The following SYNE3 variants were observed in gnomAD, a reference collection of about 807,000 sequenced individuals.
SYNE3 encodes the protein spectrin repeat containing nuclear envelope family member 3.
SYNE3 carries 100 observed loss-of-function variants against 111.2 expected under a neutral mutation model. That is an observed-to-expected ratio of 0.90 (90% CI 0.77 to 1.06). The LOEUF is 1.06. SYNE3 is among the 50% of genes least tolerant of loss of function. The pLI is 0.00. For synonymous variants in SYNE3, 547 were observed against 533.9 expected (o/e 1.02, Z -0.34); for missense variants, 1,160 against 1,240.3 (o/e 0.94, Z 0.97).
chr14:95,503,898 T>A, intron 1 of SYNE3, among the ~76,000 whole-genome samples: 1 of 152,074 alleles, frequency 6.6e-6, no homozygotes, highest in East Asian at 1.9e-4. Flanking sequence ...GGGTTCCAGG[T>A]GTGAGCCACT....
intron 7 of SYNE3, chr14:95,452,006 G>C (rs777848869): frequency 5.1e-5 from 19 of 370,266 alleles, no homozygotes; most frequent in Non-Finnish European, 7.7e-5. Context: ...TAGGATGGGT[G>C]GCTGAGCCAC....
At chr14:95,435,986 C>T (rs1005683295) in intron 15 of SYNE3, among the ~76,000 whole-genome samples, 7 of 151,922 alleles carry the variant, frequency 4.6e-5, no homozygotes, top group East Asian at 1.9e-4. Flanking sequence ...AATGGTAGTG[C>T]GAGGGAAGAG....
chr14:95,487,074 T>C (rs1889587383), intron 1 of SYNE3, among the ~76,000 whole-genome samples: 1 of 152,088 alleles, frequency 6.6e-6, no homozygotes, highest in Non-Finnish European at 1.5e-5. Flanking sequence ...TCCCCCACTC[T>C]GCCCCACCCG....
chr14:95,491,677 T>C (rs963982257), intron 1 of SYNE3, among the ~76,000 whole-genome samples: 3 of 152,010 alleles, frequency 2.0e-5, no homozygotes, highest in African/African-American at 7.3e-5. Flanking sequence ...CAATGGTTTC[T>C]TAGATGTGAT....
intron 17 of SYNE3, among the ~76,000 whole-genome samples, chr14:95,426,943 CAAA>C (rs574423106): frequency 2.9e-5 from 3 of 104,888 alleles, no homozygotes; most frequent in Admixed American, 9.7e-5. Context: ...GACTCCATCT[CAAA>C]AAAAAAAAAA....
chr14:95,440,807 C>CAG (rs1455310435), intron 11 of SYNE3, among the ~76,000 whole-genome samples: 4 of 152,224 alleles, frequency 2.6e-5, no homozygotes, highest in Non-Finnish European at 5.9e-5. Flanking sequence ...ACCGCAGGCA[C>CAG]AGAGGCTTTG....
intron 15 of SYNE3, among the ~76,000 whole-genome samples, chr14:95,434,926 T>C (rs1030351844): frequency 8.5e-5 from 13 of 152,214 alleles, no homozygotes; most frequent in Non-Finnish European, 1.3e-4. Context: ...AGTGCGGGGA[T>C]TACAGGCGTG....
Position 95,409,522 on chromosome 14 carries a change from G to A in SYNE3, c.*8304C>T, listed in dbSNP as rs765785145. On this transcript the variant is annotated 3_prime_UTR_variant, in exon 18 of 18. Coordinates refer to ENST00000682763, the MANE Select transcript of SYNE3 (RefSeq NM_152592.6). Reference sequence around the variant, plus strand: ...TCCCTCCTTATGATTGCTGTCTCTCGGCTGGACAAGGTGGTTGGGTTGGGG... The same window carrying A: ...TCCCTCCTTATGATTGCTGTCTCTCAGCTGGACAAGGTGGTTGGGTTGGGG... 2.3e-5 allele frequency: 9 copies of A among 397,252 alleles called. No individual in the cohort carries two copies. The highest frequency in any genetic ancestry group is 4.5e-5 in the Non-Finnish European group (9 of 201,762). 24.6% of individuals were successfully genotyped at this position (397,252 alleles called of 1,614,324 possible).
Position 95,437,000 on chromosome 14 carries a change from C to G in SYNE3, c.2377-19G>C. ...GATTTGCCTGTAGGATCACACACGG[C>G]CAAAGCGTCAGAGGTGAAAGAGCCC... is the stretch of plus-strand genomic sequence containing the variant. On this transcript the variant is annotated intron_variant, in intron 14 of 17. Transcript: ENST00000682763. 6.2e-7 allele frequency: 1 copy of G among 1,613,990 alleles called. No homozygotes were observed. Among genetic ancestry groups the G allele is most frequent in the Non-Finnish European group, 8.5e-7 (1 of 1,179,982 alleles).
At position 95,439,129 on chromosome 14, in the gene SYNE3, T is replaced by C; in HGVS notation, c.2280A>G (p.Glu760=). The change falls in exon 14 of 18, where the codon GAA becomes GAG. Residue 760 remains glutamate (E), a synonymous_variant. Transcript: ENST00000682763. ...LIRNWHLQRM[E]VDSGKKMVFT... ...AAACCATTTTCTTCCCCGAATCCAC[T>C]TCCATCCTCTGCAGATGCCAGTTTC... The C allele has an allele frequency of 6.2e-7, 1 of 1,614,268 alleles. No homozygotes were observed. Among genetic ancestry groups the C allele is most frequent in the Non-Finnish European group, 8.5e-7 (1 of 1,180,052 alleles).
rs1376135310 is a variant in SYNE3 at position 95,439,181 on chromosome 14, C to T, written c.2247-19G>A. On this transcript the variant is annotated intron_variant, in intron 13 of 17. Transcript: ENST00000682763. ...GATGAGGCTGAGAAGACAAACTCAG[C>T]CCAGTCAATGCAGAGATGTGGTGGG... 1.2e-6 allele frequency: 2 copies of T among 1,614,084 alleles called. No individual in the cohort carries two copies. Among genetic ancestry groups the T allele is most frequent in the East Asian group, 2.2e-5 (1 of 44,886 alleles).
rs754184454 is a variant in SYNE3 at position 95,475,794 on chromosome 14, C to G, written c.28G>C (p.Asp10His). The change falls in exon 2 of 18, where the codon GAC becomes CAC. Residue 10 changes from aspartate (D) to histidine (H), a missense_variant. Asp to His is a moderately conservative substitution (Grantham distance 81, BLOSUM62 -1). Transcript: ENST00000682763. ...GCCTGGGCATCCTCCACGCTCCTGT[C>G]AAAGTCGTCCTGGGGCTGCTGAGTC... is the stretch of plus-strand genomic sequence containing the variant. MTQQPQDDF[D>H]RSVEDAQAWM... 3 of 1,587,598 alleles carry G rather than the reference C, an allele frequency of 1.9e-6. No individual in the cohort carries two copies. Among genetic ancestry groups the G allele is most frequent in the Non-Finnish European group, 2.6e-6 (3 of 1,168,794 alleles).
rs558624981 is a variant in SYNE3, at chr14:95,477,914, A to C, written c.-14-2079T>G. On this transcript the variant is annotated intron_variant, in intron 1 of 17. Coordinates refer to ENST00000682763, the MANE Select transcript of SYNE3 (RefSeq NM_152592.6). ...TTCCAAAAACTCAGCTTTTATTTTT[A>C]TTAAGCAAAGAATGGGAGGGACAGA... Among the ~76,000 whole-genome samples the C allele has an allele frequency of 3.3e-4, 51 of 152,318 alleles. 1 individual carries two copies. In the South Asian group the frequency reaches 0.01, roughly 31 times the overall value.
At chr14:95,428,889 G>A (rs1885582340) in intron 17 of SYNE3, among the ~76,000 whole-genome samples, 1 of 152,058 alleles carries the variant, frequency 6.6e-6, no homozygotes, top group South Asian at 2.1e-4. Flanking sequence ...ATGGAGGGAG[G>A]AAAAAAAGTG....
chr14:95,408,730 A>C lies in SYNE3; in HGVS notation c.*9096T>G. On this transcript the variant is annotated 3_prime_UTR_variant, in exon 18 of 18. Transcript: ENST00000682763. ...CCTGCCCACCCCTTCACATGCACAC[A>C]CAGCTTCCTCTGTCCGCTTCCTCCT... is the stretch of plus-strand genomic sequence containing the variant. The C allele has an allele frequency of 6.3e-6, 1 of 159,564 alleles. No homozygotes were observed. The highest frequency in any genetic ancestry group is 1.2e-5 in the Non-Finnish European group (1 of 80,956). 9.9% of individuals were successfully genotyped at this position (159,564 alleles called of 1,614,324 possible). A position where few individuals can be genotyped will look rare whatever the true frequency, so the allele number is the denominator to read the frequency against.
chr14:95,456,730 G>A (rs1453207672), intron 5 of SYNE3, among the ~76,000 whole-genome samples: 5 of 152,132 alleles, frequency 3.3e-5, no homozygotes, highest in Non-Finnish European at 7.3e-5. Context: ...CTCCTCACGG[G>A]GGTCTGTGGG....
In SYNE3 at chr14:95,417,111, A is replaced by G. The variant is rs1221868450; in HGVS notation, c.*715T>C. 1 of 154,776 alleles carries G rather than the reference A, an allele frequency of 6.5e-6. No individual in the cohort carries two copies. The highest frequency in any genetic ancestry group is 2.4e-5 in the African/African-American group (1 of 41,472). 9.6% of individuals were successfully genotyped at this position (154,776 alleles called of 1,614,324 possible). On this transcript the variant is annotated 3_prime_UTR_variant, in exon 18 of 18. Transcript: ENST00000682763. The stretch of plus-strand genomic sequence containing the variant: ...AGCTGGGGTTAGGGCTCCGGCATGC[A>G]ATGCCTCCACACAGCTGTGCTTTCT...
At chr14:95,436,561 T>C (rs1301334716) in intron 15 of SYNE3, among the ~76,000 whole-genome samples, 3 of 152,216 alleles carry the variant, frequency 2.0e-5, no homozygotes, top group Admixed American at 6.5e-5. Flanking sequence ...CACACAGCAA[T>C]AGCTAAGTGA....
chr14:95,453,197 G>A (rs10135082), intron 6 of SYNE3, among the ~76,000 whole-genome samples: 31,579 of 152,096 alleles, frequency 0.21, 5,704 homozygotes, highest in African/African-American at 0.49. Context: ...CACCAACCAC[G>A]TGGGTCGGGT....
Sources: allele counts gnomAD v4.1 joint callset (sites outside exome capture counted in the v4.1 genomes callset), GRCh38; gene constraint gnomAD v4.1.1; transcripts MANE v1.5; gene names NCBI Gene and HGNC (gene_info 2026-07-23, HGNC 2026-07-21).